The following FOXJ3 variants were observed in gnomAD, a reference collection of about 807,000 sequenced individuals.
The protein encoded by FOXJ3 is forkhead box protein J3.
Under a neutral mutation model 76.1 loss-of-function variants are expected in FOXJ3, and 22 were observed. The observed-to-expected ratio is 0.29, with a 90% confidence interval of 0.21 to 0.41. FOXJ3 has a LOEUF of 0.41. Ranked by LOEUF, FOXJ3 falls within the 10% of genes least tolerant of loss-of-function variation. FOXJ3 has a pLI of 1.00. For missense variants in FOXJ3, 613 were observed against 762.1 expected, an observed-to-expected ratio of 0.80 and a Z score of 2.30; for synonymous variants, 269 against 261.2, an observed-to-expected ratio of 1.03 and a Z score of -0.29.
At chr1:42,274,820 T>C (rs1192473717) in intron 3 of FOXJ3, among the ~76,000 whole-genome samples, 1 of 150,648 alleles carries the variant, frequency 6.6e-6, no homozygotes, top group Non-Finnish European at 1.5e-5. Context: ...ACTGATTCTA[T>C]AGGGAGATGA....
intron 3 of FOXJ3, among the ~76,000 whole-genome samples, chr1:42,270,026 A>G (rs1192592847): frequency 1.3e-5 from 2 of 152,156 alleles, no homozygotes; most frequent in Non-Finnish European, 2.9e-5. Flanking sequence ...AAAATCCAAT[A>G]TTCTTAAGCC....
At chr1:42,231,303 GTGACAGAGCGAGAC>G (rs1316822334) in intron 4 of FOXJ3, among the ~76,000 whole-genome samples, 1 of 152,130 alleles carries the variant, frequency 6.6e-6, no homozygotes, top group East Asian at 1.9e-4. Context: ...TCTAGCCTGG[GTGACAGAGCGAGAC>G]TCCATCTCCA....
At chr1:42,298,895 T>C (rs1653958209) in intron 2 of FOXJ3, among the ~76,000 whole-genome samples, 1 of 152,254 alleles carries the variant, frequency 6.6e-6, no homozygotes. Context: ...AATTGCATGT[T>C]TACCCAAAGT....
At chr1:42,187,711 T>C (rs1164030956) in intron 11 of FOXJ3, among the ~76,000 whole-genome samples, 2 of 152,124 alleles carry the variant, frequency 1.3e-5, no homozygotes, top group Non-Finnish European at 2.9e-5. Flanking sequence ...TATAAAGTTA[T>C]CAAAAACTAA....
chr1:42,281,886 C>T (rs1652743421), intron 2 of FOXJ3, among the ~76,000 whole-genome samples: 1 of 152,032 alleles, frequency 6.6e-6, no homozygotes, highest in Admixed American at 6.5e-5. Context: ...TGGTGAAACC[C>T]CGTCTCTACT....
intron 1 of FOXJ3, among the ~76,000 whole-genome samples, chr1:42,324,079 A>ACT (rs1553170567): frequency 2.0e-4 from 15 of 74,282 alleles, no homozygotes; most frequent in Non-Finnish European, 2.9e-4. Context: ...GTGTATATAT[A>ACT]GTATATATAC....
At chr1:42,204,137 C>A (rs561486470) in intron 6 of FOXJ3, among the ~76,000 whole-genome samples, 86 of 152,228 alleles carry the variant, frequency 5.6e-4, no homozygotes, top group African/African-American at 2.0e-3. Flanking sequence ...CTCTGTGTAG[C>A]CCCTATGCCA....
At chr1:42,232,617 T>C (rs1557659088) in intron 4 of FOXJ3, among the ~76,000 whole-genome samples, 1 of 151,862 alleles carries the variant, frequency 6.6e-6, no homozygotes, top group Non-Finnish European at 1.5e-5. Context: ...TGTCTGTTCA[T>C]ATCCTTCGCC....
chr1:42,200,534 A>G (rs540595181), intron 6 of FOXJ3, among the ~76,000 whole-genome samples: 1 of 152,044 alleles, frequency 6.6e-6, no homozygotes, highest in Non-Finnish European at 1.5e-5. Flanking sequence ...GCTGGAGTGC[A>G]ATGGTGCGAT....
At chr1:42,201,606 T>C (rs1646766027) in intron 6 of FOXJ3, among the ~76,000 whole-genome samples, 1 of 152,204 alleles carries the variant, frequency 6.6e-6, no homozygotes. Context: ...TTTTTATGTA[T>C]TGCTGGGTTA....
At chr1:42,293,330 A>G (rs577272257) in intron 2 of FOXJ3, among the ~76,000 whole-genome samples, 1 of 152,294 alleles carries the variant, frequency 6.6e-6, no homozygotes, top group Admixed American at 6.5e-5. Flanking sequence ...ATATAACTCA[A>G]TAATTAGAAG....
chr1:42,280,602 C>G (rs1239753970), intron 2 of FOXJ3, among the ~76,000 whole-genome samples: 3 of 152,016 alleles, frequency 2.0e-5, no homozygotes, highest in Admixed American at 2.0e-4. Flanking sequence ...CCCTAGAGAT[C>G]AGAGATGAAT....
chr1:42,229,730 AAAC>A (rs1399078858), intron 4 of FOXJ3, among the ~76,000 whole-genome samples: 12 of 152,240 alleles, frequency 7.9e-5, no homozygotes, highest in African/African-American at 2.9e-4. Flanking sequence ...AAAAATGGGA[AAAC>A]AATGATTTTG....
intron 4 of FOXJ3, among the ~76,000 whole-genome samples, chr1:42,228,537 G>A (rs1264004053): frequency 7.5e-6 from 1 of 132,952 alleles, no homozygotes; most frequent in African/African-American, 2.9e-5. Flanking sequence ...CACCTACTGT[G>A]TTCCAGGTAC....
chr1:42,190,777 T>G lies in FOXJ3; in HGVS notation c.1351+526A>C, dbSNP rs577363388. Reference sequence around the variant, plus strand: ...TAAGAGGAAGAGGAGGCTCCTTTAATAAATAGTGACCTGGCAAATAAAAAT... The same window carrying G: ...TAAGAGGAAGAGGAGGCTCCTTTAAGAAATAGTGACCTGGCAAATAAAAAT... On this transcript the variant is annotated intron_variant, in intron 9 of 12. Coordinates refer to ENST00000361346, the MANE Select transcript of FOXJ3 (RefSeq NM_014947.5). Among the ~76,000 whole-genome samples, 86 of 152,306 alleles carry G rather than the reference T, an allele frequency of 5.6e-4. 1 individual carries two copies. Among genetic ancestry groups the G allele is most frequent in the East Asian group, 5.4e-3 (28 of 5,182 alleles).
At chr1:42,205,593 TG>T (rs1179257527) in intron 6 of FOXJ3, among the ~76,000 whole-genome samples, 168 bp downstream of exon 6, 1 of 152,246 alleles carries the variant, frequency 6.6e-6, no homozygotes, top group Non-Finnish European at 1.5e-5. Context: ...TGTTCTAATT[TG>T]TGCATACCTC....
chr1:42,219,746 G>T (rs1269308600), intron 5 of FOXJ3, among the ~76,000 whole-genome samples: 1 of 152,154 alleles, frequency 6.6e-6, no homozygotes, highest in Non-Finnish European at 1.5e-5. Context: ...TTGACACAAA[G>T]AAAGACCTGT....
chr1:42,231,545 T>C (rs1443331404), intron 4 of FOXJ3, among the ~76,000 whole-genome samples: 1 of 152,204 alleles, frequency 6.6e-6, no homozygotes, highest in Non-Finnish European at 1.5e-5. Flanking sequence ...GTTCTCGAGA[T>C]GGATGGTAAT....
At chr1:42,328,724 G>A (rs1450674443) in intron 1 of FOXJ3, among the ~76,000 whole-genome samples, 1 of 137,056 alleles carries the variant, frequency 7.3e-6, no homozygotes, top group Non-Finnish European at 1.5e-5. Context: ...CCCTTGCCCA[G>A]ACTAGAATGC....
Sources: gnomAD v4.1 joint callset for allele counts (sites outside exome capture counted in the v4.1 genomes callset) on GRCh38, gnomAD v4.1.1 for gene constraint, MANE v1.5 for transcripts, NCBI Gene and HGNC (gene_info 2026-07-23, HGNC 2026-07-21) for gene names.